HNF4G: variants seen among roughly 807,000 people sequenced by gnomAD.
HNF4G encodes the protein hepatocyte nuclear factor 4 gamma.
HNF4G carries 21 observed loss-of-function variants against 50.9 expected under a neutral mutation model. The ratio of observed to expected loss-of-function variants is 0.41; its 90% CI spans 0.29 to 0.59. HNF4G has a LOEUF of 0.59. Ranked by LOEUF, HNF4G falls within the 20% of genes least tolerant of loss-of-function variation. The pLI is 0.26. For missense variants in HNF4G, 527 were observed against 559.4 expected (o/e 0.94, Z 0.58); for synonymous variants, 198 against 185.6 (o/e 1.07, Z -0.54).
chr8:75,538,847 G>A (rs7834657), upstream of HNF4G, among the ~76,000 whole-genome samples: 2 of 152,076 alleles, frequency 1.3e-5, no homozygotes, highest in African/African-American at 2.4e-5. Flanking sequence ...CAGCCTTCCC[G>A]GGTGAAAAGT....
intron 1 of HNF4G, among the ~76,000 whole-genome samples, chr8:75,442,344 T>C (rs550231165): frequency 1.3e-5 from 2 of 152,220 alleles, no homozygotes; most frequent in South Asian, 2.1e-4. Context: ...TTTGCATATA[T>C]ATTTTATAAT....
chr8:75,511,630 C>T (rs1314441279), intron 2 of HNF4G, among the ~76,000 whole-genome samples: 2 of 152,216 alleles, frequency 1.3e-5, no homozygotes, highest in African/African-American at 4.8e-5. Context: ...CTCGCTCTGT[C>T]GCCCAGGCTG....
chr8:75,510,191 A>G (rs1192250169), intron 2 of HNF4G, among the ~76,000 whole-genome samples: 6 of 152,314 alleles, frequency 3.9e-5, no homozygotes, highest in Non-Finnish European at 8.8e-5. Flanking sequence ...AGTAAAAAAA[A>G]ATAAAAATTA....
intron 1 of HNF4G, among the ~76,000 whole-genome samples, chr8:75,433,494 C>T (rs1292622527): frequency 2.6e-5 from 4 of 151,120 alleles, no homozygotes; most frequent in Non-Finnish European, 1.5e-5. Context: ...AGCAACTCAA[C>T]TCAACAAGAA....
intron 2 of HNF4G, among the ~76,000 whole-genome samples, chr8:75,499,305 A>G (rs938561627): frequency 2.0e-5 from 3 of 152,070 alleles, no homozygotes; most frequent in African/African-American, 7.2e-5. Context: ...ATAAAGTACT[A>G]AGAAACACAT....
At chr8:75,526,581 T>C (rs1386496842) in intron 2 of HNF4G, among the ~76,000 whole-genome samples, 1 of 152,058 alleles carries the variant, frequency 6.6e-6, no homozygotes, top group Admixed American at 6.6e-5. Flanking sequence ...TTGCCCAGGC[T>C]GGAGTACAGT....
chr8:75,551,655 G>A (rs1476281530), intron 4 of HNF4G, among the ~76,000 whole-genome samples, 161 bp downstream of exon 4: 1 of 152,180 alleles, frequency 6.6e-6, no homozygotes, highest in Admixed American at 6.5e-5. Flanking sequence ...GAGTGGGACT[G>A]CTGACTTAAT....
chr8:75,537,323 A>C (rs548877446), upstream of HNF4G, among the ~76,000 whole-genome samples: 26 of 152,200 alleles, frequency 1.7e-4, no homozygotes, highest in African/African-American at 6.3e-4. Flanking sequence ...GGCTCACTGC[A>C]ACCTCCACCT....
chr8:75,415,375 T>C (rs937922860), intron 1 of HNF4G, among the ~76,000 whole-genome samples: 4 of 152,116 alleles, frequency 2.6e-5, no homozygotes, highest in African/African-American at 9.7e-5. Flanking sequence ...GGTAAAGATA[T>C]TATATTCATA....
rs372614852 is a variant in HNF4G at position 75,437,880 on chromosome 8, GATT to G, written c.-144+29724_-144+29726del. ...CAAACAAGTTGTTCATTGAAAGTGT[GATT>G]ATTATAAATTAATATAAAGAATCAC... On this transcript the variant is annotated intron_variant, in intron 1 of 10. Transcript: ENST00000354370. Among the ~76,000 whole-genome samples, 120 of 152,128 alleles carry G rather than the reference GATT, an allele frequency of 7.9e-4. 3 individuals carry two copies. The East Asian group carries it at 0.021, about 27-fold the overall frequency.
rs761403019 is a variant in HNF4G at position 75,558,566 on chromosome 8, G to A, written c.782G>A (p.Arg261His). ...AACAGCTGTGAAGTTGAGATTAGCC[G>A]TGTGGCCAATCGTGTTCTAGATGAG... Reference protein sequence around the residue: ...HRNSCEVEISRVANRVLDELV... With the variant: ...HRNSCEVEISHVANRVLDELV... Residue 261 changes from arginine to histidine, a missense_variant, in exon 7 of 10, where the codon CGT becomes CAT. Arg to His is a conservative substitution (Grantham distance 29). This residue lies in a region of HNF4G where 308 missense variants were observed against 301.5 expected (regional missense o/e 1.02). Transcript: ENST00000396423. 2.5e-5 allele frequency: 40 copies of A among 1,613,328 alleles called. No homozygotes were observed. The highest frequency in any genetic ancestry group is 3.2e-5 in the Non-Finnish European group (38 of 1,179,440).
rs1807398984 is a variant in HNF4G, at chr8:75,564,202, T to C, written c.*106T>C. On this transcript the variant is annotated 3_prime_UTR_variant, in exon 10 of 10. Transcript: ENST00000396423. ...AAACTCTTAGCCAAGGCTTCTTCAT[T>C]GGTGCTGTTATAAGATGGTGTCCTA... 8.7e-7 allele frequency: 1 copy of C among 1,154,972 alleles called. No individual in the cohort carries two copies. Among genetic ancestry groups the C allele is most frequent in the African/African-American group, 1.5e-5 (1 of 64,978 alleles). The allele number at this position is 1,154,972 out of a possible 1,614,324, so 71.5% of individuals were successfully genotyped here. A position where few individuals can be genotyped will look rare whatever the true frequency, so the allele number is the denominator to read the frequency against.
intron 1 of HNF4G, among the ~76,000 whole-genome samples, chr8:75,480,668 C>A (rs1012394040): frequency 6.6e-6 from 1 of 151,782 alleles, no homozygotes; most frequent in Non-Finnish European, 1.5e-5. Flanking sequence ...ATCCTAATGA[C>A]CTTGAACAAG....
chr8:75,502,552 A>G (rs543274989), intron 2 of HNF4G, among the ~76,000 whole-genome samples: 27 of 152,342 alleles, frequency 1.8e-4, no homozygotes, highest in African/African-American at 6.5e-4. Flanking sequence ...AACATATACT[A>G]AAACGCCTCA....
intron 1 of HNF4G, among the ~76,000 whole-genome samples, chr8:75,415,029 C>T (rs1294459165): frequency 6.6e-6 from 1 of 152,204 alleles, no homozygotes; most frequent in Non-Finnish European, 1.5e-5. Context: ...GCCTAACCAA[C>T]ACTTGGTATG....
At chr8:75,545,165 G>A (rs558042766) in intron 2 of HNF4G, among the ~76,000 whole-genome samples, 39 of 151,990 alleles carry the variant, frequency 2.6e-4, no homozygotes, top group Non-Finnish European at 5.6e-4. Flanking sequence ...TTGTATGAAT[G>A]TTTCTAAACT....
chr8:75,454,441 A>G (rs1029543641), intron 1 of HNF4G, among the ~76,000 whole-genome samples: 1 of 152,178 alleles, frequency 6.6e-6, no homozygotes, highest in Admixed American at 6.5e-5. Context: ...TGGGCATTGA[A>G]TGGTGTGTCT....
At chr8:75,436,258 A>C (rs995393568) in intron 1 of HNF4G, among the ~76,000 whole-genome samples, 1 of 152,330 alleles carries the variant, frequency 6.6e-6, no homozygotes, top group East Asian at 1.9e-4. Flanking sequence ...CTATTGTCTC[A>C]CCAGGACGTT....
intron 1 of HNF4G, among the ~76,000 whole-genome samples, chr8:75,445,868 C>T (rs1811414208): frequency 1.2e-5 from 1 of 83,744 alleles, no homozygotes; most frequent in Non-Finnish European, 2.3e-5. Context: ...GGAACTGGTA[C>T]CATTCCTTCT....
Sources: allele counts gnomAD v4.1 joint callset (sites outside exome capture counted in the v4.1 genomes callset), GRCh38; gene constraint gnomAD v4.1.1; regional missense constraint gnomAD v4.1.1; transcripts MANE v1.5; gene names NCBI Gene and HGNC (gene_info 2026-07-23, HGNC 2026-07-21).